VWA8: variants seen among roughly 807,000 people sequenced by gnomAD.
VWA8 encodes the protein von Willebrand factor A domain-containing protein 8.
A neutral mutation model predicts 241.5 loss-of-function variants in VWA8; 221 were observed. That is an observed-to-expected ratio of 0.91 (90% CI 0.82 to 1.02). The LOEUF (loss-of-function observed/expected upper bound fraction) is 1.02. Ranked by LOEUF, VWA8 falls within the 50% of genes least tolerant of loss-of-function variation. The pLI is 0.00. For missense variants in VWA8, 2,322 were observed against 2,328.7 expected, an observed-to-expected ratio of 1.00 and a Z score of 0.06; for synonymous variants, 852 against 827.1, an observed-to-expected ratio of 1.03 and a Z score of -0.52.
At chr13:41,760,596 A>T (rs1206439252) in intron 21 of VWA8, among the ~76,000 whole-genome samples, 1 of 151,910 alleles carries the variant, frequency 6.6e-6, no homozygotes, top group Non-Finnish European at 1.5e-5. Context: ...GGGTTCACTC[A>T]TAAAGCTAAA....
intron 9 of VWA8, among the ~76,000 whole-genome samples, chr13:41,871,044 T>A (rs905601447): frequency 1.3e-5 from 2 of 152,130 alleles, no homozygotes; most frequent in African/African-American, 4.8e-5. Context: ...TCCAAAAGCT[T>A]GAAATCACCC....
intron 39 of VWA8, among the ~76,000 whole-genome samples, chr13:41,609,786 T>G (rs192089962): frequency 6.6e-6 from 1 of 152,282 alleles, no homozygotes; most frequent in East Asian, 1.9e-4. Context: ...TTCAACCACC[T>G]TACGGTATTC....
rs1204707185 is a variant in VWA8, at chr13:41,819,342, G to A, written c.1745C>T (p.Ala582Val). 2 of 1,611,600 alleles carry A rather than the reference G, an allele frequency of 1.2e-6. No individual in the cohort carries two copies. The highest frequency in any genetic ancestry group is 1.7e-6 in the Non-Finnish European group (2 of 1,179,436). The stretch of plus-strand genomic sequence containing the variant: ...TGTGCTTCCAATAACAGGGGGTTCT[G>A]CCAAGGCAATGATTCTGAAGGAGGG... ...IHPSFRIIAL[A>V]EPPVIGSTAH... Residue 582 changes from alanine to valine, a missense_variant, in exon 15 of 45, where the codon GCA becomes GTA. By Grantham distance (64) the Ala-to-Val change is moderately conservative. Transcript: ENST00000379310.
chr13:41,617,888 A>ATTGATGGTCATT (rs555607004), intron 37 of VWA8, among the ~76,000 whole-genome samples: 1 of 147,086 alleles, frequency 6.8e-6, no homozygotes, highest in African/African-American at 2.6e-5. Context: ...CCCGTCTATT[A>ATTGATGGTCATT]TGGGTTGGTT....
intron 26 of VWA8, among the ~76,000 whole-genome samples, chr13:41,717,777 C>G (rs1412593288): frequency 6.6e-6 from 1 of 152,084 alleles, no homozygotes; most frequent in Non-Finnish European, 1.5e-5. Flanking sequence ...ATAGCCTACT[C>G]TGATCTCCTT....
chr13:41,926,064 A>C, intron 2 of VWA8: 1 of 470,080 alleles, frequency 2.1e-6, no homozygotes, highest in Non-Finnish European at 4.0e-6. Flanking sequence ...GTTGCAAGTC[A>C]TGGTGAATCC....
chr13:41,925,450 AAGTTG>A (rs1236567155), intron 2 of VWA8: 9 of 152,434 alleles, frequency 5.9e-5, no homozygotes, highest in African/African-American at 1.9e-4. Flanking sequence ...AAGCTAAAAT[AAGTTG>A]TTAAGGAACA....
At chr13:41,641,389 T>C (rs1277414041) in intron 37 of VWA8, among the ~76,000 whole-genome samples, 1 of 152,160 alleles carries the variant, frequency 6.6e-6, no homozygotes, top group East Asian at 1.9e-4. Flanking sequence ...GTTTCCAAAA[T>C]ATTTAGAGAG....
intron 20 of VWA8, among the ~76,000 whole-genome samples, chr13:41,762,661 AGGTATTTTTACT>A (rs995551118): frequency 2.6e-5 from 4 of 152,168 alleles, no homozygotes; most frequent in African/African-American, 4.8e-5. Flanking sequence ...ATAGGGAAGC[AGGTATTTTTACT>A]GGTATTTTTA....
chr13:41,922,956 A>G (rs558182858), intron 2 of VWA8, among the ~76,000 whole-genome samples: 1 of 152,380 alleles, frequency 6.6e-6, no homozygotes, highest in South Asian at 2.1e-4. Flanking sequence ...AAGGATTACA[A>G]ATCATGCTGC....
chr13:41,648,125 A>G (rs562889959), intron 37 of VWA8, among the ~76,000 whole-genome samples: 7 of 152,314 alleles, frequency 4.6e-5, no homozygotes, highest in African/African-American at 1.7e-4. Flanking sequence ...TTCCTAACAC[A>G]ATAGAAAAAT....
intron 35 of VWA8, among the ~76,000 whole-genome samples, chr13:41,675,618 A>C (rs780174178): frequency 6.6e-6 from 1 of 152,116 alleles, no homozygotes; most frequent in Admixed American, 6.6e-5. Flanking sequence ...CTTCTTAGGA[A>C]GCAACAACAA....
chr13:41,951,790 G>A (rs1182455521), intron 1 of VWA8, among the ~76,000 whole-genome samples: 1 of 152,172 alleles, frequency 6.6e-6, no homozygotes, highest in African/African-American at 2.4e-5. Flanking sequence ...TACCTTCTAA[G>A]TATTTTTTGC....
intron 5 of VWA8, among the ~76,000 whole-genome samples, chr13:41,888,434 G>A (rs761056390): frequency 6.6e-5 from 10 of 152,056 alleles, no homozygotes; most frequent in South Asian, 2.1e-4. Flanking sequence ...GTACACGCCC[G>A]TCCCCTTGAC....
chr13:41,767,731 A>G (rs1245952784), intron 20 of VWA8, among the ~76,000 whole-genome samples: 1 of 152,192 alleles, frequency 6.6e-6, no homozygotes, highest in Non-Finnish European at 1.5e-5. Flanking sequence ...CCCTATCAAA[A>G]TCATAACCTC....
intron 2 of VWA8, among the ~76,000 whole-genome samples, chr13:41,932,620 T>C (rs1877176136): frequency 6.6e-6 from 1 of 151,860 alleles, no homozygotes; most frequent in South Asian, 2.1e-4. Context: ...AAGAGGGTCT[T>C]ATCCCAGGAA....
rs950476611 is a variant in VWA8 at position 41,694,128 on chromosome 13, C to T, written c.3565-1156G>A. Among the ~76,000 whole-genome samples the T allele has an allele frequency of 2.0e-5, 3 of 151,770 alleles. No individual in the cohort carries two copies. In the South Asian group the frequency reaches 6.2e-4, roughly 31 times the overall value. ...GCTTATATTTAATATATAAAGAATACAACAATGAATTAATCATGACCCTTG... is the reference window on the plus strand; with the variant it reads ...GCTTATATTTAATATATAAAGAATATAACAATGAATTAATCATGACCCTTG... On this transcript the variant is annotated intron_variant, in intron 29 of 44. Transcript: ENST00000379310.
chr13:41,779,739 T>C (rs1868800036), intron 19 of VWA8, among the ~76,000 whole-genome samples: 1 of 152,184 alleles, frequency 6.6e-6, no homozygotes, highest in Non-Finnish European at 1.5e-5. Flanking sequence ...CTAATCTACG[T>C]TGAAAAGTTG....
intron 21 of VWA8, among the ~76,000 whole-genome samples, chr13:41,735,038 TAAAC>T: frequency 6.6e-6 from 1 of 152,132 alleles, no homozygotes; most frequent in Non-Finnish European, 1.5e-5. Flanking sequence ...GTTAAAGTTT[TAAAC>T]AAATCAAGAA....
Sources: gnomAD v4.1 joint callset for allele counts (sites outside exome capture counted in the v4.1 genomes callset) on GRCh38, gnomAD v4.1.1 for gene constraint, MANE v1.5 for transcripts, NCBI Gene and HGNC (gene_info 2026-07-23, HGNC 2026-07-21) for gene names.